Variants in PNPT1 observed in about 807,000 individuals in gnomAD.
PNPT1 encodes polyribonucleotide nucleotidyltransferase 1, also known as polyribonucleotide nucleotidyltransferase 1, mitochondrial.
PNPT1 carries 53 observed loss-of-function variants against 119.5 expected under a neutral mutation model. The observed-to-expected ratio is 0.44, with a 90% CI of 0.36 to 0.56. The LOEUF is 0.56. PNPT1 is among the 20% of genes least tolerant of loss of function. PNPT1 has a pLI of 0.00. For missense variants in PNPT1, 948 were observed against 938.5 expected (o/e 1.01, Z -0.13); for synonymous variants, 357 against 322.1 (o/e 1.11, Z -1.16).
intron 15 of PNPT1, among the ~76,000 whole-genome samples, chr2:55,659,002 T>C (rs1696480956): frequency 6.6e-6 from 1 of 152,224 alleles, no homozygotes; most frequent in South Asian, 2.1e-4. Flanking sequence ...TTGCCCAGGC[T>C]GAAGTGCGGC....
At chr2:55,639,290 GA>G (rs1013420645) in intron 26 of PNPT1, among the ~76,000 whole-genome samples, 2 of 151,616 alleles carry the variant, frequency 1.3e-5, no homozygotes, top group Admixed American at 6.6e-5. Flanking sequence ...ATAATAAGGT[GA>G]AAAAAAATAA....
chr2:55,667,738 A>G, intron 12 of PNPT1, 124 bp downstream of exon 12: 1 of 1,285,474 alleles, frequency 7.8e-7, no homozygotes, highest in South Asian at 1.5e-5. Flanking sequence ...TTTATATAGC[A>G]AATATTATAA....
intron 26 of PNPT1, among the ~76,000 whole-genome samples, chr2:55,638,024 G>A (rs1169042904): frequency 6.6e-6 from 1 of 151,102 alleles, no homozygotes; most frequent in East Asian, 2.0e-4. Context: ...AAAATCAGCT[G>A]GGCATGGTGG....
At chr2:55,655,357 T>C (rs1171703666) in intron 17 of PNPT1, among the ~76,000 whole-genome samples, 2 of 152,302 alleles carry the variant, frequency 1.3e-5, no homozygotes, top group East Asian at 3.9e-4. Flanking sequence ...TTGGACCTTA[T>C]GATCCACCCG....
chr2:55,677,856 C>G (rs1697126861), intron 8 of PNPT1, among the ~76,000 whole-genome samples: 2 of 151,896 alleles, frequency 1.3e-5, no homozygotes, highest in South Asian at 4.1e-4. Context: ...TCTCCTGCCT[C>G]AGCCTCCCAG....
At chr2:55,656,025 T>G in intron 17 of PNPT1, 106 bp downstream of exon 17, 1 of 1,370,488 alleles carries the variant, frequency 7.3e-7, no homozygotes, top group South Asian at 1.6e-5. Context: ...GCAACAAACT[T>G]GGGTTCTGTA....
At position 55,671,362 on chromosome 2, in the gene PNPT1, T is replaced by A; in HGVS notation, c.933A>T (p.Glu311Asp). The change falls in exon 11 of 28, where the codon GAA becomes GAT. Residue 311 changes from glutamate (E) to aspartate (D), a missense_variant. Physicochemically the swap from Glu to Asp is conservative, Grantham distance 45 (BLOSUM62 2). Coordinates refer to ENST00000447944, the MANE Select transcript of PNPT1 (RefSeq NM_033109.5). ...TATCTAATCTTATTTTGTTAACAGCTTCATCTCTGGAAACCTAAAAGAAAG... is the reference window on the plus strand; with the variant it reads ...TATCTAATCTTATTTTGTTAACAGCATCATCTCTGGAAACCTAAAAGAAAG... ...DYEHDKVSRD[E>D]AVNKIRLDTE... 1 of 1,533,434 alleles carries A rather than the reference T, an allele frequency of 6.5e-7. No individual in the cohort carries two copies. The highest frequency in any genetic ancestry group is 8.8e-7 in the Non-Finnish European group (1 of 1,136,904). 95.0% of individuals were successfully genotyped at this position (1,533,434 alleles called of 1,614,324 possible).
intron 11 of PNPT1, among the ~76,000 whole-genome samples, chr2:55,668,298 G>A (rs111254166): frequency 5.9e-5 from 9 of 152,214 alleles, no homozygotes; most frequent in African/African-American, 1.7e-4. Flanking sequence ...GTGCAACGCC[G>A]CAATCTTGGC....
intron 9 of PNPT1, among the ~76,000 whole-genome samples, chr2:55,672,269 T>C (rs937372196): frequency 1.3e-5 from 2 of 152,328 alleles, no homozygotes; most frequent in East Asian, 3.9e-4. Flanking sequence ...GGAAACCACA[T>C]GTAGTATCCT....
intron 18 of PNPT1, among the ~76,000 whole-genome samples, chr2:55,649,192 G>A (rs1268601358): frequency 6.6e-6 from 1 of 152,082 alleles, no homozygotes; most frequent in Non-Finnish European, 1.5e-5. Flanking sequence ...TAATCCCAAC[G>A]CTTTGGCAGG....
At chr2:55,689,524 C>A (rs563639040) in intron 1 of PNPT1, among the ~76,000 whole-genome samples, 1 of 152,060 alleles carries the variant, frequency 6.6e-6, no homozygotes, top group Non-Finnish European at 1.5e-5. Context: ...TATTATTCAG[C>A]GATAAAAAGG....
chr2:55,656,081 A>G, intron 17 of PNPT1, 50 bp downstream of exon 17: 1 of 1,569,940 alleles, frequency 6.4e-7, no homozygotes. Context: ...TAATAATAGA[A>G]TAGGGAATAT....
At chr2:55,669,974 G>C (rs1384936234) in intron 11 of PNPT1, among the ~76,000 whole-genome samples, 4 of 151,810 alleles carry the variant, frequency 2.6e-5, no homozygotes. Flanking sequence ...GGCCAGGCTG[G>C]TCTTGAACTC....
intron 8 of PNPT1, among the ~76,000 whole-genome samples, chr2:55,679,411 C>A (rs997907751): frequency 6.6e-6 from 1 of 151,790 alleles, no homozygotes; most frequent in African/African-American, 2.4e-5. Flanking sequence ...AAAAATTAGT[C>A]ATAATTTTAA....
At position 55,661,942 on chromosome 2, in the gene PNPT1, A is replaced by C. The variant is rs1369782200; in HGVS notation, c.1247+14T>G. ...ATCATAAAACGTAACAAACATCTTA[A>C]AAACATAACTTACTTTATAGCTGTT... On this transcript the variant is annotated intron_variant, in intron 14 of 27. Coordinates refer to ENST00000447944, the MANE Select transcript of PNPT1 (RefSeq NM_033109.5). 1.2e-5 allele frequency: 19 copies of C among 1,545,754 alleles called. No homozygotes were observed. The highest frequency in any genetic ancestry group is 1.6e-5 in the Non-Finnish European group (19 of 1,153,114).
chr2:55,679,056 G>C (rs1697169799), intron 8 of PNPT1, among the ~76,000 whole-genome samples: 1 of 152,282 alleles, frequency 6.6e-6, no homozygotes, highest in South Asian at 2.1e-4. Flanking sequence ...TAGTGGCAGA[G>C]ACAGGTTTCA....
intron 3 of PNPT1, among the ~76,000 whole-genome samples, chr2:55,685,579 C>T (rs1257414852): frequency 6.6e-6 from 1 of 152,118 alleles, no homozygotes; most frequent in Non-Finnish European, 1.5e-5. Context: ...GAAGAAGACT[C>T]ACTATTTGCC....
intron 18 of PNPT1, among the ~76,000 whole-genome samples, chr2:55,652,752 C>G (rs1454289282): frequency 6.6e-6 from 1 of 152,238 alleles, no homozygotes; most frequent in Non-Finnish European, 1.5e-5. Context: ...GCAATACCCT[C>G]TACTGCAAAT....
intron 21 of PNPT1, 71 bp downstream of exon 21, chr2:55,646,188 C>T: frequency 1.5e-6 from 2 of 1,369,432 alleles, no homozygotes; most frequent in South Asian, 2.5e-5. Flanking sequence ...TTATAATAAG[C>T]CTAATGAGAA....
Sources: gnomAD v4.1 joint callset for allele counts (sites outside exome capture counted in the v4.1 genomes callset) on GRCh38, gnomAD v4.1.1 for gene constraint, MANE v1.5 for transcripts, NCBI Gene and HGNC (gene_info 2026-07-23, HGNC 2026-07-21) for gene names.